GMDS: variants seen among roughly 807,000 people sequenced by gnomAD.
GMDS encodes GDP-mannose 4,6 dehydratase.
Under a neutral mutation model 49.9 loss-of-function variants are expected in GMDS, and 20 were observed. That is an observed-to-expected ratio of 0.40 (90% confidence interval 0.28 to 0.58). GMDS has a LOEUF of 0.58. GMDS is among the 20% of genes least tolerant of loss of function. The pLI is 0.42. For missense variants in GMDS, 362 were observed against 481.4 expected, an observed-to-expected ratio of 0.75 and a Z score of 2.32; for synonymous variants, 177 against 178.6, an observed-to-expected ratio of 0.99 and a Z score of 0.07.
chr6:1,739,947 T>C (rs13208857), intron 8 of GMDS, among the ~76,000 whole-genome samples: 8,363 of 152,336 alleles, frequency 0.055, 295 homozygotes, highest in Non-Finnish European at 0.083. Context: ...CTTAAGCCTT[T>C]ATTAGCATAG....
chr6:1,697,937 G>A (rs181120239), intron 9 of GMDS, among the ~76,000 whole-genome samples: 29 of 152,348 alleles, frequency 1.9e-4, no homozygotes, highest in African/African-American at 5.5e-4. Flanking sequence ...GTATGGCTGC[G>A]GACGATCAAG....
At chr6:1,969,210 T>C (rs1280593969) in intron 4 of GMDS, among the ~76,000 whole-genome samples, 23 of 122,560 alleles carry the variant, frequency 1.9e-4, no homozygotes, top group African/African-American at 6.5e-4. Context: ...TGCAGTGAGC[T>C]GAGATTGTGC....
At chr6:2,118,572 T>C (rs1774973429) in intron 2 of GMDS, among the ~76,000 whole-genome samples, 1 of 152,222 alleles carries the variant, frequency 6.6e-6, no homozygotes. Flanking sequence ...AGACTTTCTT[T>C]CAAACAGAAA....
chr6:1,845,210 T>C (rs911174919), intron 7 of GMDS, among the ~76,000 whole-genome samples: 2 of 152,216 alleles, frequency 1.3e-5, no homozygotes, highest in East Asian at 3.9e-4. Flanking sequence ...ATGATTCCTC[T>C]ATTGTACATT....
At chr6:2,030,317 C>A (rs1436050846) in intron 4 of GMDS, among the ~76,000 whole-genome samples, 1 of 152,042 alleles carries the variant, frequency 6.6e-6, no homozygotes, top group East Asian at 1.9e-4. Context: ...TGCTGGAGAG[C>A]CAAGAAAAAG....
At chr6:1,827,120 G>A (rs1196622619) in intron 7 of GMDS, among the ~76,000 whole-genome samples, 2 of 126,230 alleles carry the variant, frequency 1.6e-5, no homozygotes, top group Non-Finnish European at 3.4e-5. Context: ...GTGTGTGTGT[G>A]TATGTGTATC....
chr6:1,695,079 A>C (rs1765292740), intron 9 of GMDS, among the ~76,000 whole-genome samples: 1 of 151,990 alleles, frequency 6.6e-6, no homozygotes, highest in Non-Finnish European at 1.5e-5. Flanking sequence ...AATTAAAAAA[A>C]AATAACAAAC....
In GMDS at chr6:1,643,489, C is replaced by T. The variant is rs555055516; in HGVS notation, c.988-18949G>A. Among the ~76,000 whole-genome samples, 9 of 152,210 alleles carry T rather than the reference C, an allele frequency of 5.9e-5. No individual in the cohort carries two copies. The South Asian group carries it at 8.3e-4, about 14-fold the overall frequency. ...GCATAAATGAGGCAAGGAGAGCCTT[C>T]GAGAGTCCTTTTAGTAGAGTAGGAT... On this transcript the variant is annotated intron_variant, in intron 9 of 10. Coordinates refer to ENST00000380815, the MANE Select transcript of GMDS (RefSeq NM_001500.4).
At chr6:1,702,454 T>G (rs772308452) in intron 9 of GMDS, among the ~76,000 whole-genome samples, 6 of 152,160 alleles carry the variant, frequency 3.9e-5, no homozygotes, top group Non-Finnish European at 7.3e-5. Flanking sequence ...GCATTGATTC[T>G]GGCTCGGTTT....
At chr6:2,092,895 TA>T (rs1773401763) in intron 4 of GMDS, among the ~76,000 whole-genome samples, 1 of 152,308 alleles carries the variant, frequency 6.6e-6, no homozygotes, top group African/African-American at 2.4e-5. Context: ...ATATTCTAAA[TA>T]AAACAGAATG....
intron 1 of GMDS, among the ~76,000 whole-genome samples, chr6:2,223,153 A>C (rs74949226): frequency 0.12 from 17,901 of 150,174 alleles, 1,622 homozygotes; most frequent in East Asian, 0.4. Flanking sequence ...CTCTCTCTAT[A>C]TATATATACA....
intron 4 of GMDS, among the ~76,000 whole-genome samples, chr6:2,049,029 C>G (rs1562005415): frequency 6.6e-6 from 1 of 152,098 alleles, no homozygotes; most frequent in African/African-American, 2.4e-5. Context: ...AGCTTACTCC[C>G]TCTCTCTCCC....
intron 4 of GMDS, among the ~76,000 whole-genome samples, chr6:2,105,151 C>T (rs1335511556): frequency 2.2e-5 from 3 of 136,260 alleles, no homozygotes; most frequent in Non-Finnish European, 4.6e-5. Context: ...CACTGCACTC[C>T]AGCCTGGGTG....
intron 7 of GMDS, among the ~76,000 whole-genome samples, chr6:1,755,765 G>A (rs1310938014): frequency 6.6e-6 from 1 of 152,180 alleles, no homozygotes; most frequent in African/African-American, 2.4e-5. Context: ...ATTAACTAAA[G>A]ATGGATTAAA....
At chr6:2,043,618 A>G (rs1289712034) in intron 4 of GMDS, among the ~76,000 whole-genome samples, 1 of 152,238 alleles carries the variant, frequency 6.6e-6, no homozygotes, top group African/African-American at 2.4e-5. Flanking sequence ...AGTTTTTTAA[A>G]TGTGGCTATT....
At chr6:1,868,969 G>A (rs567408904) in intron 7 of GMDS, among the ~76,000 whole-genome samples, 1 of 152,322 alleles carries the variant, frequency 6.6e-6, no homozygotes, top group East Asian at 1.9e-4. Flanking sequence ...ACACGTACAA[G>A]TGAAATAATA....
intron 7 of GMDS, among the ~76,000 whole-genome samples, chr6:1,906,741 G>C (rs1760796054): frequency 6.6e-6 from 1 of 152,138 alleles, no homozygotes. Context: ...GGCAGGGAGG[G>C]AGGACAAGGA....
In GMDS at chr6:2,245,544, G is replaced by A. The variant is rs1320660186; in HGVS notation, c.-122C>T. ...TCTCCAGGCTGCGGGCAGGGAGGGA[G>A]AGCGCACCGCGCGACCGGCCGCCAC... On this transcript the variant is annotated 5_prime_UTR_variant, in exon 1 of 11. Coordinates refer to ENST00000380815, the MANE Select transcript of GMDS (RefSeq NM_001500.4). 1.0e-5 allele frequency: 5 copies of A among 485,528 alleles called. No individual in the cohort carries two copies. The highest frequency in any genetic ancestry group is 2.1e-5 in the African/African-American group (1 of 48,652). 30.1% of individuals were successfully genotyped at this position (485,528 alleles called of 1,614,324 possible). A position where few individuals can be genotyped will look rare whatever the true frequency, so the allele number is the denominator to read the frequency against.
At chr6:1,959,519 T>C (rs1308529873) in intron 6 of GMDS, among the ~76,000 whole-genome samples, 1 of 152,084 alleles carries the variant, frequency 6.6e-6, no homozygotes. Context: ...TGAATAGGAG[T>C]AATTTCTAAA....
Sources: gnomAD v4.1 joint callset for allele counts (sites outside exome capture counted in the v4.1 genomes callset) on GRCh38, gnomAD v4.1.1 for gene constraint, MANE v1.5 for transcripts, NCBI Gene and HGNC (gene_info 2026-07-23, HGNC 2026-07-21) for gene names.